PTPN5: variants seen among roughly 807,000 people sequenced by gnomAD.
The protein encoded by PTPN5 is tyrosine-protein phosphatase non-receptor type 5.
A neutral mutation model predicts 73.9 loss-of-function variants in PTPN5; 29 were observed. That is an observed-to-expected ratio of 0.39 (90% CI 0.29 to 0.54). The LOEUF is 0.54. Among genes scored for constraint, PTPN5 ranks in the 20% least tolerant of loss-of-function variants. The pLI is 0.65. For missense variants in PTPN5, 652 were observed against 751.4 expected (o/e 0.87, Z 1.55); for synonymous variants, 267 against 304.7 (o/e 0.88, Z 1.29).
At chr11:18,740,891 C>A in intron 7 of PTPN5, 99 bp from the exon 8 acceptor site, 1 of 707,448 alleles carries the variant, frequency 1.4e-6, no homozygotes, top group Non-Finnish European at 2.2e-6. Context: ...GAGAGATCAG[C>A]TGGGAACAGG....
intron 4 of PTPN5, 134 bp downstream of exon 4, chr11:18,743,872 T>C: frequency 9.6e-7 from 1 of 1,046,122 alleles, no homozygotes; most frequent in Non-Finnish European, 1.3e-6. Context: ...CCTTGAGGGC[T>C]TGGAGCTCCT....
rs554381458 is a variant in PTPN5 at position 18,763,132 on chromosome 11, G to C, written c.97+2675C>G. ...TGCAATCCCCTATCAGGACAGCATC[G>C]TGGGAGTCTAGAGGGTCACACAACT... On this transcript the variant is annotated intron_variant, in intron 3 of 14. Transcript: ENST00000358540. 2.0e-5 allele frequency among the ~76,000 whole-genome samples: 3 copies of C among 152,304 alleles called. No individual in the cohort carries two copies. The East Asian group carries it at 5.8e-4, about 29-fold the overall frequency.
intron 2 of PTPN5, 82 bp from the exon 3 acceptor site, chr11:18,765,965 C>T: frequency 9.8e-7 from 1 of 1,017,426 alleles, no homozygotes; most frequent in Admixed American, 2.0e-5. Context: ...AGAAGGCTCC[C>T]TCTCCTGTAT....
chr11:18,728,680 G>A lies in PTPN5; in HGVS notation c.*254C>T, dbSNP rs1472563059. The stretch of plus-strand genomic sequence containing the variant: ...TTAAAAACTGGAGCCCGGGGTCTGC[G>A]TGGTGTGGGTCAGGCCCCGGGGCCC... On this transcript the variant is annotated 3_prime_UTR_variant, in exon 15 of 15. Coordinates refer to ENST00000358540, the MANE Select transcript of PTPN5 (RefSeq NM_006906.2). This position sits in a 1 kb window ranked among gnomAD's most constrained non-coding sequence, Gnocchi z 4.1. 2.0e-5 allele frequency: 9 copies of A among 446,716 alleles called. No individual in the cohort carries two copies. The highest frequency in any genetic ancestry group is 3.2e-5 in the Non-Finnish European group (8 of 251,674). 27.7% of individuals were successfully genotyped at this position (446,716 alleles called of 1,614,324 possible).
chr11:18,761,605 G>A (rs1850394753), intron 3 of PTPN5, among the ~76,000 whole-genome samples: 2 of 152,132 alleles, frequency 1.3e-5, no homozygotes, highest in Admixed American at 1.3e-4. Flanking sequence ...GAAGGCAGTG[G>A]GGTAGACACT....
At chr11:18,731,958 C>T (rs1027451571) in intron 12 of PTPN5, among the ~76,000 whole-genome samples, 1 of 152,190 alleles carries the variant, frequency 6.6e-6, no homozygotes, top group African/African-American at 2.4e-5. Context: ...CCACTAATCC[C>T]GATTTCAAAG....
chr11:18,755,343 G>A (rs369558810), intron 3 of PTPN5, among the ~76,000 whole-genome samples: 91 of 152,304 alleles, frequency 6.0e-4, no homozygotes, highest in African/African-American at 2.1e-3. Flanking sequence ...TAGGCCATGC[G>A]GCTAAGTCAT....
chr11:18,770,354 G>C (rs184922386), intron 2 of PTPN5, among the ~76,000 whole-genome samples: 1 of 152,238 alleles, frequency 6.6e-6, no homozygotes, highest in Non-Finnish European at 1.5e-5. Flanking sequence ...GTCTCTATGG[G>C]TTTGCCTATT....
At chr11:18,784,179 A>T (rs1343656934) in intron 1 of PTPN5, among the ~76,000 whole-genome samples, 1 of 152,242 alleles carries the variant, frequency 6.6e-6, no homozygotes, top group African/African-American at 2.4e-5. Context: ...TATATACCCC[A>T]AAGAATTGAA....
intron 1 of PTPN5, among the ~76,000 whole-genome samples, chr11:18,790,365 T>A (rs1416280021): frequency 6.6e-6 from 1 of 152,002 alleles, no homozygotes; most frequent in Non-Finnish European, 1.5e-5. Flanking sequence ...TGGGAGGGCA[T>A]GCAGTCAGGA....
chr11:18,769,134 C>T (rs936982535), intron 2 of PTPN5, among the ~76,000 whole-genome samples: 3 of 152,218 alleles, frequency 2.0e-5, no homozygotes, highest in Admixed American at 6.5e-5. Flanking sequence ...AAGCCATCGT[C>T]GCATTCAACA....
At chr11:18,769,106 A>G (rs949786626) in intron 2 of PTPN5, among the ~76,000 whole-genome samples, 1 of 152,222 alleles carries the variant, frequency 6.6e-6, no homozygotes, top group African/African-American at 2.4e-5. Context: ...GATGTCCCGG[A>G]GTGAAAGTAG....
At chr11:18,766,047 G>A (rs1389104272) in intron 2 of PTPN5, among the ~76,000 whole-genome samples, 164 bp from the exon 3 acceptor site, 2 of 152,206 alleles carry the variant, frequency 1.3e-5, no homozygotes, top group Admixed American at 1.3e-4. Flanking sequence ...GAGGGGTCAA[G>A]CTGCAGAGGC....
At chr11:18,771,830 G>C (rs1850914610) in intron 2 of PTPN5, 109 bp downstream of exon 2, 1 of 895,352 alleles carries the variant, frequency 1.1e-6, no homozygotes. Context: ...GGAATGATCA[G>C]GCTGAACACC....
In PTPN5 at chr11:18,743,390, T is replaced by C. The variant is rs1849464231; in HGVS notation, c.331A>G (p.Ile111Val). 7.4e-6 allele frequency: 12 copies of C among 1,613,970 alleles called. No homozygotes were observed. Among genetic ancestry groups the C allele is most frequent in the African/African-American group, 1.3e-5 (1 of 74,868 alleles). ...GVLWFSGYGH[I>V]WSQNATNLVS... ...AGGTTTGTGGCGTTCTGTGACCAGA[T>C]GTGGCCATAACCGCTGAACCAGAGC... The change falls in exon 5 of 15, where the codon ATC becomes GTC. Residue 111 changes from isoleucine to valine, a missense_variant. Ile to Val is a conservative substitution (Grantham distance 29). Around this residue, in one of 3 missense-constraint regions of PTPN5, gnomAD observed 529 missense variants for 573.9 expected, o/e 0.92. Transcript: ENST00000358540.
rs776968139 is a variant in PTPN5 at position 18,743,312 on chromosome 11, G to T, written c.399+10C>A. ...CCCTGCTACCCTAGGACTCCCCAAAGCTTACTTACCGTGGGTTCCAGCTGT... is the reference window on the plus strand; with the variant it reads ...CCCTGCTACCCTAGGACTCCCCAAATCTTACTTACCGTGGGTTCCAGCTGT... On this transcript the variant is annotated intron_variant, in intron 5 of 14. Coordinates refer to ENST00000358540, the MANE Select transcript of PTPN5 (RefSeq NM_006906.2). 6.2e-7 allele frequency: 1 copy of T among 1,613,376 alleles called. No individual in the cohort carries two copies. Among genetic ancestry groups the T allele is most frequent in the African/African-American group, 1.3e-5 (1 of 74,906 alleles).
At chr11:18,752,345 G>C (rs968444600) in intron 3 of PTPN5, among the ~76,000 whole-genome samples, 8 of 152,234 alleles carry the variant, frequency 5.3e-5, no homozygotes, top group African/African-American at 1.4e-4. Context: ...ATGGGAGCCA[G>C]AATCTAGAGA....
chr11:18,774,843 C>T (rs755841826), intron 1 of PTPN5, among the ~76,000 whole-genome samples: 18 of 152,122 alleles, frequency 1.2e-4, no homozygotes, highest in Non-Finnish European at 2.4e-4. Context: ...ATTTCATGGT[C>T]AGGTTGGTGA....
chr11:18,757,776 A>G (rs1286751259), intron 3 of PTPN5, among the ~76,000 whole-genome samples: 2 of 152,190 alleles, frequency 1.3e-5, no homozygotes, highest in Admixed American at 1.3e-4. Flanking sequence ...AGAATTCTCT[A>G]TTTGAACCTG....
Sources: gnomAD v4.1 joint callset for allele counts (sites outside exome capture counted in the v4.1 genomes callset) on GRCh38, gnomAD v4.1.1 for gene constraint, gnomAD v4.1.1 regional missense constraint, Gnocchi (gnomAD v3.1) non-coding constraint, MANE v1.5 for transcripts, NCBI Gene and HGNC (gene_info 2026-07-23, HGNC 2026-07-21) for gene names.